The following RHBDD1 variants were observed in gnomAD, a reference collection of about 807,000 sequenced individuals.
The protein encoded by RHBDD1 is rhomboid-related protein 4.
In RHBDD1, 38 loss-of-function variants were observed where a neutral mutation model predicts 36.3. The observed-to-expected ratio is 1.05, with a 90% CI of 0.81 to 1.37. The LOEUF (loss-of-function observed/expected upper bound fraction) is 1.37. Ranked by LOEUF, RHBDD1 falls within the 40% of genes most tolerant of loss-of-function variation. The pLI is 0.00. For missense variants in RHBDD1, 393 were observed against 377.6 expected (o/e 1.04, Z -0.34); for synonymous variants, 151 against 136.5 (o/e 1.11, Z -0.74).
At chr2:226,935,324 A>G (rs1950267189) in intron 8 of RHBDD1, 1 of 152,172 alleles carries the variant, frequency 6.6e-6, no homozygotes, top group African/African-American at 2.4e-5. Flanking sequence ...ATGAGCAATC[A>G]TATATTCATA....
At chr2:226,897,184 A>T (rs180892678) in intron 5 of RHBDD1, among the ~76,000 whole-genome samples, 212 of 152,176 alleles carry the variant, frequency 1.4e-3, no homozygotes, top group African/African-American at 4.9e-3. Flanking sequence ...TTCCATTCCC[A>T]CTTCTGAGCA....
chr2:226,802,854 G>A, the RHBDD1 span, among the ~76,000 whole-genome samples: 5 of 152,306 alleles, frequency 3.3e-5, no homozygotes, highest in Admixed American at 2.6e-4. Flanking sequence ...TGCTATGGAC[G>A]CACTTTGGGG....
At chr2:226,894,253 ATTTGTAATTCATATTATTTTTATTT>A (rs1206500148) in intron 5 of RHBDD1, among the ~76,000 whole-genome samples, 1 of 152,140 alleles carries the variant, frequency 6.6e-6, no homozygotes, top group African/African-American at 2.4e-5. Context: ...GTGCCTGAGC[ATTTGTAATTCATATTATTTTTATTT>A]TTATTTTTTG....
At chr2:226,814,525 A>C in the RHBDD1 span, among the ~76,000 whole-genome samples, 3 of 152,194 alleles carry the variant, frequency 2.0e-5, no homozygotes, top group African/African-American at 7.2e-5. Context: ...AGTAAAATGG[A>C]AACCTTGAGC....
At chr2:226,950,575 G>T (rs1007679555) in intron 8 of RHBDD1, among the ~76,000 whole-genome samples, 1 of 152,122 alleles carries the variant, frequency 6.6e-6, no homozygotes, top group Non-Finnish European at 1.5e-5. Context: ...TTTCCATAAT[G>T]GCTGTACCAA....
intron 2 of RHBDD1, among the ~76,000 whole-genome samples, chr2:226,838,618 A>G (rs1344989277): frequency 6.6e-6 from 1 of 152,176 alleles, no homozygotes. Context: ...TGTCGGACAA[A>G]GGGAAAAAAG....
intron 8 of RHBDD1, among the ~76,000 whole-genome samples, chr2:226,926,240 TAAG>T (rs1387045431): frequency 7.3e-6 from 1 of 137,862 alleles, no homozygotes; most frequent in Non-Finnish European, 1.6e-5. Flanking sequence ...AAAAAAAAAA[TAAG>T]GGCCATTGTG....
intron 5 of RHBDD1, among the ~76,000 whole-genome samples, chr2:226,898,258 A>G (rs1947294529): frequency 6.6e-6 from 1 of 152,236 alleles, no homozygotes; most frequent in Non-Finnish European, 1.5e-5. Flanking sequence ...TAGCAGGCGT[A>G]GGGACATGGA....
intron 8 of RHBDD1, among the ~76,000 whole-genome samples, chr2:226,969,298 T>C (rs1318917121): frequency 1.3e-5 from 2 of 151,722 alleles, no homozygotes; most frequent in Non-Finnish European, 2.9e-5. Context: ...TAGTTCCTAA[T>C]GGGCTAAAAG....
chr2:226,870,652 T>C (rs1944725613), intron 5 of RHBDD1, among the ~76,000 whole-genome samples: 1 of 152,176 alleles, frequency 6.6e-6, no homozygotes, highest in Admixed American at 6.5e-5. Context: ...TAACTATCAA[T>C]AGCCTACTAT....
At chr2:226,960,088 GC>G (rs1402418660) in intron 8 of RHBDD1, among the ~76,000 whole-genome samples, 5 of 152,134 alleles carry the variant, frequency 3.3e-5, no homozygotes, top group African/African-American at 1.2e-4. Context: ...CTCCCTAAGT[GC>G]TGGGATTACA....
In RHBDD1 at chr2:226,867,257, C is replaced by T. The variant is rs1158679442; in HGVS notation, c.505C>T (p.Pro169Ser). 6.2e-7 allele frequency: 1 copy of T among 1,613,612 alleles called. No homozygotes were observed. Among genetic ancestry groups the T allele is most frequent in the Admixed American group, 1.7e-5 (1 of 59,944 alleles). Reference protein sequence around the residue: ...PGGFVNILGFPVPNRFACWVE... With the variant: ...PGGFVNILGFSVPNRFACWVE... ...AGGCTTTGTCAACATTTTGGGCTTT[C>T]CTGTACCGAACAGATTTGCTTGTTG... is the stretch of plus-strand genomic sequence containing the variant. The change falls in exon 5 of 9, where the codon CCT becomes TCT. Residue 169 changes from proline to serine, a missense_variant. Pro to Ser is a moderately conservative substitution (Grantham distance 74). Coordinates refer to ENST00000392062, the MANE Select transcript of RHBDD1 (RefSeq NM_001167608.3).
At chr2:226,968,372 C>T (rs1302746775) in intron 8 of RHBDD1, among the ~76,000 whole-genome samples, 2 of 152,192 alleles carry the variant, frequency 1.3e-5, no homozygotes, top group Non-Finnish European at 2.9e-5. Context: ...CAGGAACTCT[C>T]AGGCACTTGG....
chr2:226,988,436 G>A, intron 8 of RHBDD1: 1 of 1,550,324 alleles, frequency 6.5e-7, no homozygotes, highest in South Asian at 1.2e-5. Flanking sequence ...GCAGGCCGCA[G>A]TTTGGACCTA....
At position 226,906,803 on chromosome 2, in the gene RHBDD1, G is replaced by C; in HGVS notation, c.577G>C (p.Ala193Pro). 1 of 1,614,062 alleles carries C rather than the reference G, an allele frequency of 6.2e-7. No individual in the cohort carries two copies. The highest frequency in any genetic ancestry group is 8.5e-7 in the Non-Finnish European group (1 of 1,179,966). Residue 193 changes from alanine to proline, a missense_variant, in exon 6 of 9, where the codon GCT (alanine) becomes CCT (proline). Ala to Pro is a conservative substitution (Grantham distance 27, BLOSUM62 -1). Coordinates refer to ENST00000392062, the MANE Select transcript of RHBDD1 (RefSeq NM_001167608.3). ...CTCCTTCCCTCCTAGGACTTCCTTC[G>C]CTGGGCATCTGGCTGGGATTCTTGT... is the stretch of plus-strand genomic sequence containing the variant. ...IHLFSPGTSF[A>P]GHLAGILVGL...
At chr2:226,889,966 G>C (rs1315367791) in intron 5 of RHBDD1, among the ~76,000 whole-genome samples, 2 of 152,132 alleles carry the variant, frequency 1.3e-5, no homozygotes, top group African/African-American at 4.8e-5. Context: ...GACTTGTTGG[G>C]AAAATTAAAA....
chr2:226,885,600 T>C (rs1946137123), intron 5 of RHBDD1, among the ~76,000 whole-genome samples: 1 of 152,070 alleles, frequency 6.6e-6, no homozygotes, highest in African/African-American at 2.4e-5. Flanking sequence ...AAAGTAAAAA[T>C]AGTCATACAA....
intron 5 of RHBDD1, among the ~76,000 whole-genome samples, chr2:226,874,943 C>G (rs1223545073): frequency 6.6e-6 from 1 of 152,122 alleles, no homozygotes; most frequent in Non-Finnish European, 1.5e-5. Flanking sequence ...CCTGGTTATT[C>G]AAAACCCAAA....
At chr2:226,882,071 A>G (rs1945786980) in intron 5 of RHBDD1, among the ~76,000 whole-genome samples, 1 of 152,222 alleles carries the variant, frequency 6.6e-6, no homozygotes. Flanking sequence ...TTTTGTTGGC[A>G]TTAATGGATA....
Sources: allele counts gnomAD v4.1 joint callset (sites outside exome capture counted in the v4.1 genomes callset), GRCh38; gene constraint gnomAD v4.1.1; transcripts MANE v1.5; gene names NCBI Gene and HGNC (gene_info 2026-07-23, HGNC 2026-07-21).